The following LRP1B variants were observed in gnomAD, a reference collection of about 807,000 sequenced individuals.
LRP1B encodes low-density lipoprotein receptor-related protein 1B.
Under a neutral mutation model 556.6 loss-of-function variants are expected in LRP1B, and 217 were observed. That is an observed-to-expected ratio of 0.39 (90% CI 0.35 to 0.44). LRP1B has a LOEUF of 0.44. LRP1B is among the 20% of genes least tolerant of loss of function. LRP1B has a pLI of 1.00. For missense variants in LRP1B, 5,053 were observed against 5,620.8 expected (o/e 0.90, Z 3.23); for synonymous variants, 2,047 against 1,865.8 (o/e 1.10, Z -2.50).
At chr2:141,422,713 T>G (rs2104966746) in intron 3 of LRP1B, among the ~76,000 whole-genome samples, 1 of 152,366 alleles carries the variant, frequency 6.6e-6, no homozygotes, top group African/African-American at 2.4e-5. Flanking sequence ...TTGATAATGA[T>G]ATCATCTTCT....
chr2:141,568,549 G>A (rs1239276627), intron 2 of LRP1B, among the ~76,000 whole-genome samples: 1 of 150,994 alleles, frequency 6.6e-6, no homozygotes, highest in Non-Finnish European at 1.5e-5. Flanking sequence ...AAGGAAACAA[G>A]GATTCAACAT....
Position 140,412,519 on chromosome 2 carries a change from G to T in LRP1B, c.10415-26510C>A, listed in dbSNP as rs141064501. 1.4e-3 allele frequency among the ~76,000 whole-genome samples: 207 copies of T among 152,138 alleles called. 2 individuals carry two copies. The East Asian group carries it at 0.033, about 24-fold the overall frequency. On this transcript the variant is annotated intron_variant, in intron 66 of 90. Coordinates refer to ENST00000389484, the MANE Select transcript of LRP1B (RefSeq NM_018557.3). The stretch of plus-strand genomic sequence containing the variant: ...TATCTCCCTAATTCTAAGTAAGCGT[G>T]AGTGCTCTATTGACTCACAGCCATC...
intron 2 of LRP1B, among the ~76,000 whole-genome samples, chr2:141,510,236 C>CACACACACACACACACA (rs1553524111): frequency 1.5e-4 from 20 of 132,158 alleles, no homozygotes; most frequent in East Asian, 4.3e-4. Context: ...ACACACACAC[C>CACACACACACACACACA]CCCCACAGTC....
chr2:141,134,232 G>A (rs1299991267), intron 7 of LRP1B, among the ~76,000 whole-genome samples: 1 of 151,536 alleles, frequency 6.6e-6, no homozygotes, highest in African/African-American at 2.4e-5. Context: ...ATATAGCCAC[G>A]GATTCTAGTA....
intron 50 of LRP1B, among the ~76,000 whole-genome samples, chr2:140,515,732 A>G (rs1558936275): frequency 6.6e-6 from 1 of 152,032 alleles, no homozygotes; most frequent in Non-Finnish European, 1.5e-5. Context: ...ATGAATCCAC[A>G]TACAATATTT....
intron 2 of LRP1B, among the ~76,000 whole-genome samples, chr2:141,584,126 T>A (rs1297551695): frequency 6.6e-6 from 1 of 151,932 alleles, no homozygotes; most frequent in African/African-American, 2.4e-5. Flanking sequence ...ATACCTGTAG[T>A]CTCAGCTACT....
chr2:141,771,255 T>C (rs2105615804), intron 2 of LRP1B, among the ~76,000 whole-genome samples: 1 of 149,184 alleles, frequency 6.7e-6, no homozygotes, highest in African/African-American at 2.4e-5. Context: ...TTATTATTAC[T>C]TAATTAGCCA....
At chr2:141,688,882 A>T (rs1206848587) in intron 2 of LRP1B, among the ~76,000 whole-genome samples, 3 of 151,914 alleles carry the variant, frequency 2.0e-5, no homozygotes, top group African/African-American at 7.2e-5. Flanking sequence ...TAAGTGATAG[A>T]GAAATTATTA....
At chr2:141,064,488 T>A (rs1437347306) in intron 7 of LRP1B, among the ~76,000 whole-genome samples, 2 of 151,954 alleles carry the variant, frequency 1.3e-5, no homozygotes, top group African/African-American at 2.4e-5. Flanking sequence ...ACTCTCTAAG[T>A]TTCTGCTAAG....
chr2:141,784,160 C>T (rs192763697), intron 2 of LRP1B, among the ~76,000 whole-genome samples: 1 of 151,962 alleles, frequency 6.6e-6, no homozygotes, highest in African/African-American at 2.4e-5. Context: ...TAAAATGAAA[C>T]TGCAACAAAT....
At chr2:142,001,790 T>C (rs186411394) in intron 1 of LRP1B, among the ~76,000 whole-genome samples, 2 of 152,188 alleles carry the variant, frequency 1.3e-5, no homozygotes, top group Non-Finnish European at 1.5e-5. Flanking sequence ...ATGAAAAGTA[T>C]GTAAATGCAT....
chr2:141,464,608 T>TTTTTTTTTTTTTTTTTTTTTA (rs1682102587), intron 3 of LRP1B, among the ~76,000 whole-genome samples: 2 of 48,348 alleles, frequency 4.1e-5, no homozygotes, highest in Non-Finnish European at 1.1e-4. Context: ...ATATATATAT[T>TTTTTTTTTTTTTTTTTTTTTA]TTTTTAGTAG....
At chr2:140,623,763 A>G (rs559518374) in intron 41 of LRP1B, among the ~76,000 whole-genome samples, 4 of 151,774 alleles carry the variant, frequency 2.6e-5, no homozygotes, top group South Asian at 4.2e-4. Flanking sequence ...TTCTAAAAAT[A>G]CAGAAATTAG....
chr2:141,738,824 T>C (rs974061601), intron 2 of LRP1B, among the ~76,000 whole-genome samples: 3 of 152,150 alleles, frequency 2.0e-5, no homozygotes, highest in Admixed American at 6.6e-5. Context: ...TTCAATCTTA[T>C]TCAAATTGCA....
At chr2:141,543,518 C>CAAAAAA (rs377085694) in intron 2 of LRP1B, among the ~76,000 whole-genome samples, 2 of 91,248 alleles carry the variant, frequency 2.2e-5, no homozygotes, top group African/African-American at 9.1e-5. Flanking sequence ...GACCCTGTCT[C>CAAAAAA]AAAAAAAAAA....
intron 84 of LRP1B, among the ~76,000 whole-genome samples, chr2:140,283,245 T>C (rs1052678081): frequency 6.7e-5 from 10 of 148,886 alleles, no homozygotes; most frequent in African/African-American, 2.5e-4. Flanking sequence ...GATTTATCCT[T>C]TTTTACATTC....
chr2:141,315,217 A>G (rs79104052), intron 3 of LRP1B, among the ~76,000 whole-genome samples: 17,150 of 148,298 alleles, frequency 0.12, 1,342 homozygotes, highest in African/African-American at 0.2. Context: ...AAGTCTACCA[A>G]TCAAGATTGT....
intron 2 of LRP1B, among the ~76,000 whole-genome samples, chr2:141,523,406 GTTTC>G (rs1444569845): frequency 6.6e-6 from 1 of 151,980 alleles, no homozygotes; most frequent in African/African-American, 2.4e-5. Context: ...TCAAACCCCA[GTTTC>G]TTTGTCTACA....
chr2:141,619,861 C>A (rs527942160), intron 2 of LRP1B, among the ~76,000 whole-genome samples: 2 of 152,194 alleles, frequency 1.3e-5, no homozygotes, highest in African/African-American at 4.8e-5. Flanking sequence ...GATCCACCCA[C>A]TCTAAAACCA....
Sources: gnomAD v4.1 joint callset for allele counts (sites outside exome capture counted in the v4.1 genomes callset) on GRCh38, gnomAD v4.1.1 for gene constraint, MANE v1.5 for transcripts, NCBI Gene and HGNC (gene_info 2026-07-23, HGNC 2026-07-21) for gene names.